LRP2BP: variants seen among roughly 807,000 people sequenced by gnomAD.
LRP2BP encodes LRP2-binding protein.
LRP2BP carries 38 observed loss-of-function variants against 45.2 expected under a neutral mutation model. The observed-to-expected ratio is 0.84, with a 90% CI of 0.65 to 1.10. LRP2BP has a LOEUF of 1.10. LRP2BP is among the 50% of genes least tolerant of loss of function. The pLI, the probability that LRP2BP is intolerant of heterozygous loss-of-function variation, is 0.00. For missense variants in LRP2BP, 385 were observed against 418.9 expected (o/e 0.92, Z 0.71); for synonymous variants, 153 against 153.9 (o/e 0.99, Z 0.04).
chr4:185,381,342 C>A (rs2095455603), intron 1 of LRP2BP, among the ~76,000 whole-genome samples: 2 of 152,022 alleles, frequency 1.3e-5, no homozygotes, highest in South Asian at 4.1e-4. Context: ...CTTTGGGTAG[C>A]TTCTGTTTTG....
chr4:185,378,998 C>G (rs1409297645), intron 1 of LRP2BP: 2 of 984,272 alleles, frequency 2.0e-6, no homozygotes, highest in East Asian at 1.1e-4. Flanking sequence ...TTCCATGATG[C>G]TATTTTAGAC....
intron 1 of LRP2BP, among the ~76,000 whole-genome samples, chr4:185,384,743 A>G (rs2095465402): frequency 6.6e-6 from 1 of 151,874 alleles, no homozygotes; most frequent in Non-Finnish European, 1.5e-5. Context: ...GTAGTTTTTT[A>G]AAAACCCCAT....
rs147526924 is a variant in LRP2BP, at chr4:185,370,700, A to T, written c.918T>A (p.Cys306Ter). ...MAMASFYHAR[C>*]LQLGLGITRD... Reference sequence around the variant, plus strand: ...TGGTGATGCCCAAGCCAAGCTGAAGACACCTTGCGTGGTAGAAGGATGCCA... The same window carrying T: ...TGGTGATGCCCAAGCCAAGCTGAAGTCACCTTGCGTGGTAGAAGGATGCCA... Residue 306 changes from cysteine to a stop codon, truncating the protein, a stop_gained, in exon 8 of 9, where the codon TGT (cysteine) becomes TGA (stop). Transcript: ENST00000505916. LOFTEE classifies it high-confidence loss of function. 25 of 1,613,920 alleles carry T rather than the reference A, an allele frequency of 1.5e-5. No individual in the cohort carries two copies. The African/African-American group carries it at 3.2e-4, about 21-fold the overall frequency.
At chr4:185,380,270 T>C (rs2095451980) in intron 1 of LRP2BP, among the ~76,000 whole-genome samples, 1 of 152,238 alleles carries the variant, frequency 6.6e-6, no homozygotes, top group South Asian at 2.1e-4. Context: ...AATTTATTTG[T>C]GTTTGTTAGT....
intron 7 of LRP2BP, 66 bp downstream of exon 7, chr4:185,372,790 T>C (rs1037120196): frequency 5.2e-6 from 7 of 1,349,284 alleles, no homozygotes; most frequent in Admixed American, 1.9e-5. Flanking sequence ...TAAATTTCTG[T>C]TTCTCATAAA....
intron 1 of LRP2BP, among the ~76,000 whole-genome samples, chr4:185,385,774 G>A (rs558260083): frequency 5.7e-4 from 87 of 152,204 alleles, no homozygotes; most frequent in African/African-American, 1.9e-3. Context: ...GGTAGTAGGC[G>A]CCTGTAATCC....
chr4:185,372,935 T>G lies in LRP2BP; in HGVS notation c.724A>C (p.Asn242His). ...ACGAGATTCCCTTGAGCATAGACGT[T>G]TCCGCGTTCTGCTGCTTCTCTTAAG... The part of the protein sequence containing the change: ...QCLREAAERG[N>H]VYAQGNLVEY... Residue 242 changes from asparagine to histidine, a missense_variant, in exon 7 of 9, where the codon AAC becomes CAC. Physicochemically the swap from Asn to His is moderately conservative, Grantham distance 68. Transcript: ENST00000505916. The G allele has an allele frequency of 1.9e-6, 3 of 1,613,998 alleles. No individual in the cohort carries two copies. Among genetic ancestry groups the G allele is most frequent in the Non-Finnish European group, 2.5e-6 (3 of 1,179,840 alleles).
At chr4:185,389,216 T>C (rs2095481391) in intron 1 of LRP2BP, among the ~76,000 whole-genome samples, 1 of 151,560 alleles carries the variant, frequency 6.6e-6, no homozygotes, top group African/African-American at 2.4e-5. Flanking sequence ...TTATTTTATT[T>C]ATTTATTTTG....
chr4:185,390,019 T>G (rs2095483998), intron 1 of LRP2BP, among the ~76,000 whole-genome samples: 1 of 152,222 alleles, frequency 6.6e-6, no homozygotes, highest in Non-Finnish European at 1.5e-5. Context: ...AATTCCAGAT[T>G]AGGTTTCTTT....
intron 1 of LRP2BP, among the ~76,000 whole-genome samples, chr4:185,383,906 A>G (rs891939790): frequency 1.3e-5 from 2 of 152,168 alleles, no homozygotes; most frequent in African/African-American, 4.8e-5. Flanking sequence ...AGAGAACATA[A>G]GCCTGGGCGT....
upstream of LRP2BP, chr4:185,397,208 C>G: frequency 1.2e-6 from 2 of 1,614,086 alleles, no homozygotes; most frequent in Non-Finnish European, 1.7e-6. Context: ...CCCCCGGATC[C>G]CTGCAAGCAG....
chr4:185,373,664 TCA>T (rs1327778868), intron 6 of LRP2BP, among the ~76,000 whole-genome samples: 2 of 152,236 alleles, frequency 1.3e-5, no homozygotes, highest in African/African-American at 4.8e-5. Flanking sequence ...AACTCCTCTC[TCA>T]CAAGTAGGAC....
At chr4:185,369,735 A>G (rs756236652) in intron 8 of LRP2BP, 1 of 440,542 alleles carries the variant, frequency 2.3e-6, no homozygotes, top group Admixed American at 2.6e-5. Flanking sequence ...CTTACCTGAC[A>G]TTGGAATCCC....
chr4:185,365,836 A>G lies in LRP2BP; in HGVS notation c.*1344T>C, dbSNP rs926729974. Reference sequence around the variant, plus strand: ...AGATTTGAGACAGAAATACATGACCATTTGAGGATATCTCAAACCCGAGTC... The same window carrying G: ...AGATTTGAGACAGAAATACATGACCGTTTGAGGATATCTCAAACCCGAGTC... On this transcript the variant is annotated 3_prime_UTR_variant, in exon 9 of 9. Transcript: ENST00000505916. 6.6e-6 allele frequency: 1 copy of G among 152,190 alleles called. No individual in the cohort carries two copies. The highest frequency in any genetic ancestry group is 1.9e-4 in the East Asian group (1 of 5,200). The allele number at this position is 152,190 out of a possible 1,614,324, so 9.4% of individuals were successfully genotyped here. A position where few individuals can be genotyped will look rare whatever the true frequency, so the allele number is the denominator to read the frequency against.
chr4:185,371,521 A>G (rs4861663), intron 7 of LRP2BP, among the ~76,000 whole-genome samples: 23,343 of 143,352 alleles, frequency 0.16, 2,223 homozygotes, highest in African/African-American at 0.26. Flanking sequence ...CAGCCTGGGC[A>G]ACAGAGCGAG....
intron 8 of LRP2BP, among the ~76,000 whole-genome samples, chr4:185,368,834 C>A (rs994864945): frequency 6.9e-6 from 1 of 144,054 alleles, no homozygotes; most frequent in Non-Finnish European, 1.5e-5. Context: ...CACTGTGTTG[C>A]CCAGGCTGGA....
At chr4:185,378,490 A>G (rs1228082237) in intron 1 of LRP2BP, 1 of 1,130,306 alleles carries the variant, frequency 8.8e-7, no homozygotes, top group Non-Finnish European at 1.1e-6. Flanking sequence ...ATACATCAAG[A>G]TGGGTCAAGT....
chr4:185,389,750 C>A (rs1398926419), intron 1 of LRP2BP, among the ~76,000 whole-genome samples: 1 of 152,138 alleles, frequency 6.6e-6, no homozygotes, highest in Admixed American at 6.5e-5. Flanking sequence ...GCAGTCCTTA[C>A]CTTCTTTAAG....
At chr4:185,372,557 G>C (rs896993487) in intron 7 of LRP2BP, among the ~76,000 whole-genome samples, 5 of 152,188 alleles carry the variant, frequency 3.3e-5, no homozygotes, top group Admixed American at 6.5e-5. Flanking sequence ...GCTATGGTTT[G>C]ACTAGTAAGT....
Sources: allele counts gnomAD v4.1 joint callset (sites outside exome capture counted in the v4.1 genomes callset), GRCh38; gene constraint gnomAD v4.1.1; transcripts MANE v1.5; gene names NCBI Gene and HGNC (gene_info 2026-07-23, HGNC 2026-07-21).